Variants in AFMID observed in about 807,000 individuals in gnomAD.
AFMID encodes the protein arylformamidase, also known as kynurenine formamidase.
A neutral mutation model predicts 47.5 loss-of-function variants in AFMID; 39 were observed. The observed-to-expected ratio is 0.82, with a 90% CI of 0.64 to 1.07. The LOEUF (loss-of-function observed/expected upper bound fraction) is 1.07, where lower values mean the gene tolerates loss of function less well. AFMID is among the 50% of genes least tolerant of loss of function. AFMID has a pLI of 0.00. For synonymous variants in AFMID, 130 were observed against 153.2 expected, an observed-to-expected ratio of 0.85 and a Z score of 1.12; for missense variants, 375 against 387.5, an observed-to-expected ratio of 0.97 and a Z score of 0.27.
chr17:78,206,237 G>T (rs1344233744), intron 10 of AFMID, among the ~76,000 whole-genome samples, 187 bp downstream of exon 10: 2 of 151,504 alleles, frequency 1.3e-5, no homozygotes, highest in African/African-American at 4.9e-5. Context: ...TACTCAGGAG[G>T]CTGAGGCATG....
In AFMID at chr17:78,191,017, A is replaced by G; in HGVS notation, c.111A>G (p.Gly37=). ...CCAGCCGATGGGTTGTCCGACTGGG[A>G]GCAGAGGAAGCCTTGAGGACCTACT... ...YCPSRWVVRL[G]AEEALRTYSQ... Residue 37 remains glycine, a synonymous_variant, in exon 2 of 11, where the codon GGA becomes GGG. Coordinates refer to ENST00000409257, the MANE Select transcript of AFMID (RefSeq NM_001010982.5). The G allele has an allele frequency of 6.2e-7, 1 of 1,614,014 alleles. No homozygotes were observed. Among genetic ancestry groups the G allele is most frequent in the Non-Finnish European group, 8.5e-7 (1 of 1,180,014 alleles).
chr17:78,198,097 C>G (rs2076156910), intron 2 of AFMID, among the ~76,000 whole-genome samples: 1 of 152,094 alleles, frequency 6.6e-6, no homozygotes, highest in South Asian at 2.1e-4. Context: ...GGCGTGGTGG[C>G]ACACGCCTAT....
intron 2 of AFMID, chr17:78,197,238 G>T (rs1339779104): frequency 6.5e-7 from 1 of 1,546,146 alleles, no homozygotes; most frequent in Admixed American, 2.0e-5. Flanking sequence ...CTGTGCTGGG[G>T]CAGGGTTGTT....
intron 2 of AFMID, among the ~76,000 whole-genome samples, chr17:78,200,477 A>G (rs547866966): frequency 6.6e-6 from 1 of 152,238 alleles, no homozygotes; most frequent in South Asian, 2.1e-4. Context: ...CCATCTTTGT[A>G]GGTGTTATTA....
At chr17:78,197,303 G>A in intron 2 of AFMID, 1 of 1,219,786 alleles carries the variant, frequency 8.2e-7, no homozygotes, top group Non-Finnish European at 1.2e-6. Context: ...AAATGCGTCT[G>A]CCTTTTGACC....
chr17:78,200,588 C>A (rs527300044), intron 2 of AFMID, among the ~76,000 whole-genome samples: 11 of 148,786 alleles, frequency 7.4e-5, no homozygotes, highest in Non-Finnish European at 1.6e-4. Flanking sequence ...GAGGGGACCA[C>A]GTGAAGACGG....
intron 4 of AFMID, chr17:78,203,242 G>A (rs148167159): frequency 0.042 from 6,596 of 155,466 alleles, 170 homozygotes; most frequent in Non-Finnish European, 0.054. Context: ...TGTATTTTTA[G>A]TAGAGACAGG....
chr17:78,202,136 G>A (rs1161769930), intron 2 of AFMID, among the ~76,000 whole-genome samples: 2 of 151,488 alleles, frequency 1.3e-5, no homozygotes, highest in Non-Finnish European at 2.9e-5. Context: ...AGAAATTGCC[G>A]CCACCTGGCT....
chr17:78,188,609 T>C (rs75619790), intron 1 of AFMID, among the ~76,000 whole-genome samples: 2 of 148,196 alleles, frequency 1.3e-5, no homozygotes, highest in Admixed American at 6.8e-5. Context: ...TTTTTTTTTT[T>C]CTTTTGAGAC....
chr17:78,191,002 G>C lies in AFMID; in HGVS notation c.96G>C (p.Trp32Cys). 6.2e-7 allele frequency: 1 copy of C among 1,614,046 alleles called. No homozygotes were observed. Among genetic ancestry groups the C allele is most frequent in the Non-Finnish European group, 8.5e-7 (1 of 1,180,000 alleles). The part of the protein sequence containing the change: ...ELENQYCPSR[W>C]VVRLGAEEAL... ...AGAATCAGTACTGTCCCAGCCGATG[G>C]GTTGTCCGACTGGGAGCAGAGGAAG... The change falls in exon 2 of 11, where the codon TGG becomes TGC. Residue 32 changes from tryptophan (W) to cysteine (C), a missense_variant. Coordinates refer to ENST00000409257, the MANE Select transcript of AFMID (RefSeq NM_001010982.5).
chr17:78,207,089 T>A lies in AFMID; in HGVS notation c.*152T>A. 1.2e-6 allele frequency: 1 copy of A among 801,418 alleles called. No individual in the cohort carries two copies. Among genetic ancestry groups the A allele is most frequent in the Non-Finnish European group, 2.1e-6 (1 of 473,300 alleles). 49.6% of individuals were successfully genotyped at this position (801,418 alleles called of 1,614,324 possible). ...CTGCCCGGCAAGAGTCCATTCTCAC[T>A]GCTGGGACACTCATGAAAATCTCCA... On this transcript the variant is annotated 3_prime_UTR_variant, in exon 11 of 11. Coordinates refer to ENST00000409257, the MANE Select transcript of AFMID (RefSeq NM_001010982.5).
At chr17:78,199,833 C>T (rs899337783) in intron 2 of AFMID, among the ~76,000 whole-genome samples, 1 of 152,164 alleles carries the variant, frequency 6.6e-6, no homozygotes, top group Non-Finnish European at 1.5e-5. Flanking sequence ...ATCAACCCAG[C>T]AGCCCAAGGA....
intron 2 of AFMID, chr17:78,197,074 A>G: frequency 7.4e-7 from 1 of 1,357,218 alleles, no homozygotes; most frequent in South Asian, 1.2e-5. Flanking sequence ...TTTAATGGCC[A>G]TTCCACTTAG....
At position 78,205,584 on chromosome 17, in the gene AFMID, T is replaced by C; in HGVS notation, c.645-19T>C. 6.2e-7 allele frequency: 1 copy of C among 1,613,872 alleles called. No homozygotes were observed. Among genetic ancestry groups the C allele is most frequent in the Non-Finnish European group, 8.5e-7 (1 of 1,179,908 alleles). ...CCTGGCTCCTCTCTGTCCTGACCCC[T>C]GTCCACTCCCCACCCCAGGGAGGAC... On this transcript the variant is annotated intron_variant, in intron 8 of 10. Coordinates refer to ENST00000409257, the MANE Select transcript of AFMID (RefSeq NM_001010982.5).
At chr17:78,188,530 C>T (rs770949141) in intron 1 of AFMID, among the ~76,000 whole-genome samples, 14 of 152,134 alleles carry the variant, frequency 9.2e-5, no homozygotes, top group Non-Finnish European at 7.4e-5. Flanking sequence ...AGTGATTCTC[C>T]TGCCTCAGCC....
intron 1 of AFMID, among the ~76,000 whole-genome samples, chr17:78,189,852 G>T (rs1407423368): frequency 1.7e-4 from 18 of 107,122 alleles, no homozygotes; most frequent in African/African-American, 6.0e-4. Context: ...TTTTTTTTGA[G>T]ATGGGGTCTC....
intron 2 of AFMID, among the ~76,000 whole-genome samples, chr17:78,195,565 C>G (rs969310803): frequency 6.8e-6 from 1 of 147,166 alleles, no homozygotes; most frequent in African/African-American, 2.5e-5. Flanking sequence ...TGCAATGGCG[C>G]GATCTCAGCT....
chr17:78,197,096 C>T, intron 2 of AFMID: 1 of 1,476,622 alleles, frequency 6.8e-7, no homozygotes, highest in African/African-American at 1.4e-5. Flanking sequence ...ACATAAATTC[C>T]ATGATGTTTT....
At chr17:78,188,840 G>A (rs1467710097) in intron 1 of AFMID, among the ~76,000 whole-genome samples, 1 of 151,938 alleles carries the variant, frequency 6.6e-6, no homozygotes, top group Non-Finnish European at 1.5e-5. Flanking sequence ...CTCATGATCC[G>A]CCCCCCTTGG....
Sources: allele counts gnomAD v4.1 joint callset (sites outside exome capture counted in the v4.1 genomes callset), GRCh38; gene constraint gnomAD v4.1.1; transcripts MANE v1.5; gene names NCBI Gene and HGNC (gene_info 2026-07-23, HGNC 2026-07-21).